TSPAN7: variants seen among roughly 807,000 people sequenced by gnomAD.
TSPAN7 encodes the protein tetraspanin-7.
In TSPAN7, 1 loss-of-function variant was observed where a neutral mutation model predicts 17.6. That is an observed-to-expected ratio of 0.06 (90% CI 0.02 to 0.27). The LOEUF (loss-of-function observed/expected upper bound fraction) is 0.27, where lower values mean the gene tolerates loss of function less well. Among genes scored for constraint, TSPAN7 ranks in the 10% least tolerant of loss-of-function variants. The pLI is 1.00. For synonymous variants in TSPAN7, 78 were observed against 79.0 expected, an observed-to-expected ratio of 0.99 and a Z score of 0.07; for missense variants, 112 against 201.7, an observed-to-expected ratio of 0.56 and a Z score of 2.69.
chrX:38,573,206 A>G (rs983810208), intron 1 of TSPAN7, among the ~76,000 whole-genome samples: 2 of 111,969 alleles, frequency 1.8e-5, no homozygotes, highest in Non-Finnish European at 3.8e-5. Context: ...TAAATTGGTC[A>G]GAATATGCCC....
intron 1 of TSPAN7, among the ~76,000 whole-genome samples, chrX:38,585,494 A>G (rs2069253440): frequency 8.9e-6 from 1 of 111,970 alleles, no homozygotes; most frequent in African/African-American, 3.2e-5. Context: ...AATAAATTAC[A>G]TTTTTAAGAA....
At chrX:38,618,242 T>C (rs1193406602) in intron 1 of TSPAN7, among the ~76,000 whole-genome samples, 1 of 112,452 alleles carries the variant, frequency 8.9e-6, no homozygotes, top group Non-Finnish European at 1.9e-5. Context: ...ACTTTCTTAC[T>C]GATCTTTAAC....
chrX:38,636,947 G>A (rs901356357), intron 1 of TSPAN7, among the ~76,000 whole-genome samples: 1 of 112,222 alleles, frequency 8.9e-6, no homozygotes, highest in East Asian at 2.8e-4. Flanking sequence ...GAGCCACCAC[G>A]CCTGGCCGGA....
intron 1 of TSPAN7, among the ~76,000 whole-genome samples, chrX:38,652,257 G>C (rs906224807): frequency 1.8e-5 from 2 of 111,843 alleles, no homozygotes; most frequent in East Asian, 2.8e-4. Flanking sequence ...GCTAGCAAAG[G>C]CTAGCCAATT....
chrX:38,624,424 T>C (rs2069508942), intron 1 of TSPAN7, among the ~76,000 whole-genome samples: 1 of 112,332 alleles, frequency 8.9e-6, no homozygotes, highest in Non-Finnish European at 1.9e-5. Context: ...ATTATTGTAT[T>C]TATTTTTAGG....
chrX:38,617,969 G>A (rs1239998391), intron 1 of TSPAN7, among the ~76,000 whole-genome samples: 3 of 111,712 alleles, frequency 2.7e-5, no homozygotes, highest in Non-Finnish European at 3.8e-5. Context: ...TAAGCGATAC[G>A]ATGATTTAAA....
intron 1 of TSPAN7, chrX:38,656,260 G>T (rs757817845): frequency 1.3e-5 from 2 of 154,777 alleles, no homozygotes; most frequent in Admixed American, 1.4e-4. Flanking sequence ...TTAATACAGG[G>T]CAGAACAAAT....
At chrX:38,673,470 C>T (rs1267790636) in intron 3 of TSPAN7, among the ~76,000 whole-genome samples, 3 of 105,810 alleles carry the variant, frequency 2.8e-5, no homozygotes, top group African/African-American at 1.0e-4. Context: ...TGGGTTCAAG[C>T]GATTCTCTTG....
chrX:38,677,683 G>T (rs951594127), intron 5 of TSPAN7, among the ~76,000 whole-genome samples: 5 of 112,059 alleles, frequency 4.5e-5, no homozygotes, highest in Non-Finnish European at 7.5e-5. Flanking sequence ...CCTCCAACCT[G>T]GCTCCCTCAG....
intron 1 of TSPAN7, among the ~76,000 whole-genome samples, chrX:38,662,429 G>A (rs1349744499): frequency 9.0e-6 from 1 of 111,252 alleles, no homozygotes; most frequent in Non-Finnish European, 1.9e-5. Flanking sequence ...AAATGGACAG[G>A]TACAGAACAT....
intron 1 of TSPAN7, among the ~76,000 whole-genome samples, chrX:38,610,395 C>T (rs1435121456): frequency 8.9e-6 from 1 of 112,007 alleles, no homozygotes; most frequent in African/African-American, 3.2e-5. Flanking sequence ...ACTGTTAAAG[C>T]AGTGATGGTT....
At chrX:38,643,559 G>A (rs973061170) in intron 1 of TSPAN7, among the ~76,000 whole-genome samples, 7 of 108,834 alleles carry the variant, frequency 6.4e-5, no homozygotes, top group Non-Finnish European at 1.3e-4. Flanking sequence ...AACCAGGGCC[G>A]GGCACGGTGG....
intron 1 of TSPAN7, among the ~76,000 whole-genome samples, chrX:38,624,286 C>G (rs915612241): frequency 1.2e-4 from 13 of 111,459 alleles, no homozygotes; most frequent in Non-Finnish European, 5.7e-5. Flanking sequence ...TTATTTAAAG[C>G]TTCACATTGT....
At chrX:38,562,080 A>G (rs1309545031) in intron 1 of TSPAN7, among the ~76,000 whole-genome samples, 1 of 110,841 alleles carries the variant, frequency 9.0e-6, no homozygotes, top group African/African-American at 3.3e-5. Flanking sequence ...GTGGGGTTTA[A>G]TCTCAGATTC....
At chrX:38,617,413 T>C (rs1376357624) in intron 1 of TSPAN7, among the ~76,000 whole-genome samples, 1 of 112,723 alleles carries the variant, frequency 8.9e-6, no homozygotes. Context: ...CAAAACTGAT[T>C]TTTTCCCCTA....
At chrX:38,606,460 A>T (rs1225765388) in intron 1 of TSPAN7, among the ~76,000 whole-genome samples, 1 of 112,012 alleles carries the variant, frequency 8.9e-6, no homozygotes, top group Non-Finnish European at 1.9e-5. Context: ...ACAAGACATC[A>T]GTTGACTTTG....
At chrX:38,568,933 TTC>T (rs2069156181) in intron 1 of TSPAN7, among the ~76,000 whole-genome samples, 1 of 111,597 alleles carries the variant, frequency 9.0e-6, no homozygotes, top group Admixed American at 9.5e-5. Flanking sequence ...GGTCTGAATG[TTC>T]TTTTTTTCTA....
chrX:38,643,576 C>T (rs1245065851), intron 1 of TSPAN7, among the ~76,000 whole-genome samples: 1 of 107,560 alleles, frequency 9.3e-6, no homozygotes, highest in Admixed American at 1.0e-4. Flanking sequence ...GTGGCTCATG[C>T]CTGTAATCCC....
chrX:38,675,965 G>A, intron 5 of TSPAN7, 105 bp downstream of exon 5: 2 of 995,832 alleles, frequency 2.0e-6, no homozygotes, highest in South Asian at 2.0e-5. Flanking sequence ...GTAGTCAAGG[G>A]AAAGAGAATC....
Sources: gnomAD v4.1 joint callset for allele counts (sites outside exome capture counted in the v4.1 genomes callset) on GRCh38, gnomAD v4.1.1 for gene constraint, MANE v1.5 for transcripts, NCBI Gene and HGNC (gene_info 2026-07-23, HGNC 2026-07-21) for gene names.